MAP2K1: variants seen among roughly 807,000 people sequenced by gnomAD.
The protein encoded by MAP2K1 is mitogen-activated protein kinase kinase 1, also known as dual specificity mitogen-activated protein kinase kinase 1.
MAP2K1 carries 16 observed loss-of-function variants against 46.3 expected under a neutral mutation model. That is an observed-to-expected ratio of 0.35 (90% CI 0.23 to 0.52). The LOEUF is 0.52. MAP2K1 is among the 20% of genes least tolerant of loss of function. The probability of loss-of-function intolerance (pLI) is 0.94; values close to 1 mark genes in which losing one functional copy is unlikely to be tolerated. For synonymous variants in MAP2K1, 183 were observed against 185.6 expected (o/e 0.99, Z 0.11); for missense variants, 263 against 497.1 (o/e 0.53, Z 4.48).
chr15:66,431,683 C>A (rs1368096938), intron 1 of MAP2K1, among the ~76,000 whole-genome samples: 2 of 152,022 alleles, frequency 1.3e-5, no homozygotes, highest in African/African-American at 4.8e-5. Context: ...AAGAGAAATT[C>A]TTATTTTTTT....
chr15:66,418,465 T>TTTA (rs1039458154), intron 1 of MAP2K1, among the ~76,000 whole-genome samples: 4 of 152,230 alleles, frequency 2.6e-5, no homozygotes, highest in Non-Finnish European at 5.9e-5. Flanking sequence ...TAAATTTATT[T>TTTA]AAACTATTTT....
At chr15:66,437,950 GA>G (rs1203810903) in intron 3 of MAP2K1, among the ~76,000 whole-genome samples, 1 of 150,320 alleles carries the variant, frequency 6.7e-6, no homozygotes, top group East Asian at 2.0e-4. Flanking sequence ...CTGGGGTGCT[GA>G]TTATTTTCTG....
chr15:66,429,319 T>C (rs368248869), intron 1 of MAP2K1, among the ~76,000 whole-genome samples: 2 of 151,996 alleles, frequency 1.3e-5, no homozygotes, highest in Non-Finnish European at 2.9e-5. Flanking sequence ...CAGACACTTA[T>C]AAAACCATCA....
At chr15:66,473,410 C>CA (rs986613713) in intron 5 of MAP2K1, among the ~76,000 whole-genome samples, 2 of 151,564 alleles carry the variant, frequency 1.3e-5, no homozygotes, top group Non-Finnish European at 2.9e-5. Context: ...CCCTGTCTAC[C>CA]AAAAAAAGAA....
In MAP2K1 at chr15:66,386,940, G is replaced by C. The variant is rs536414539; in HGVS notation, c.-408G>C. 2 of 250,300 alleles carry C rather than the reference G, an allele frequency of 8.0e-6. No homozygotes were observed. The highest frequency in any genetic ancestry group is 5.6e-5 in the Admixed American group (1 of 17,942). 15.5% of individuals were successfully genotyped at this position (250,300 alleles called of 1,614,324 possible). Reference sequence around the variant, plus strand: ...CCCTCCCAGGGCCGCTTCGCAGAGCGGCTAGGAGCACGGCGGCGGCGGCAC... The same window carrying C: ...CCCTCCCAGGGCCGCTTCGCAGAGCCGCTAGGAGCACGGCGGCGGCGGCAC... On this transcript the variant is annotated 5_prime_UTR_variant, in exon 1 of 11. Coordinates refer to ENST00000307102, the MANE Select transcript of MAP2K1 (RefSeq NM_002755.4).
At chr15:66,440,124 C>T (rs567089409) in intron 3 of MAP2K1, among the ~76,000 whole-genome samples, 20 of 152,170 alleles carry the variant, frequency 1.3e-4, no homozygotes, top group African/African-American at 4.8e-4. Context: ...CAGGGTCTTG[C>T]ACTGTTGCCC....
At chr15:66,437,056 A>G (rs1039318486) in intron 3 of MAP2K1, among the ~76,000 whole-genome samples, 164 bp downstream of exon 3, 1 of 152,168 alleles carries the variant, frequency 6.6e-6, no homozygotes, top group Non-Finnish European at 1.5e-5. Context: ...TGGGATATTC[A>G]CAAGATGGCA....
At chr15:66,477,008 C>G (rs1892768901) in intron 5 of MAP2K1, among the ~76,000 whole-genome samples, 2 of 152,136 alleles carry the variant, frequency 1.3e-5, no homozygotes, top group East Asian at 3.9e-4. Context: ...TCTCATGTGC[C>G]CAGGTTTCCA....
intron 1 of MAP2K1, among the ~76,000 whole-genome samples, chr15:66,432,362 A>G (rs1253294776): frequency 5.3e-5 from 8 of 152,222 alleles, no homozygotes; most frequent in Non-Finnish European, 5.9e-5. Context: ...GGAGGGAGAA[A>G]GGAAGCACAA....
At chr15:66,399,109 A>T (rs1351187919) in intron 1 of MAP2K1, among the ~76,000 whole-genome samples, 3 of 152,174 alleles carry the variant, frequency 2.0e-5, no homozygotes, top group African/African-American at 7.2e-5. Context: ...TGGTACAGAT[A>T]TTATATAGGA....
In MAP2K1 at chr15:66,436,859, C is replaced by T. The variant is rs767989355; in HGVS notation, c.405C>T (p.Ser135=). ...TGGGCTTCTATGGTGCGTTCTACAGCGATGGCGAGATCAGTATCTGCATGG... is the reference window on the plus strand; with the variant it reads ...TGGGCTTCTATGGTGCGTTCTACAGTGATGGCGAGATCAGTATCTGCATGG... ...YIVGFYGAFY[S]DGEISICMEH... The change falls in exon 3 of 11, where the codon AGC becomes AGT. Residue 135 remains serine, a synonymous_variant. Coordinates refer to ENST00000307102, the MANE Select transcript of MAP2K1 (RefSeq NM_002755.4). 1.7e-5 allele frequency: 27 copies of T among 1,614,020 alleles called. No homozygotes were observed. The highest frequency in any genetic ancestry group is 3.3e-5 in the Admixed American group (2 of 59,998).
chr15:66,434,905 A>G lies in MAP2K1; in HGVS notation c.81-122A>G, dbSNP rs552673213. 20 of 780,242 alleles carry G rather than the reference A, an allele frequency of 2.6e-5. No individual in the cohort carries two copies. In the East Asian group the frequency reaches 2.7e-4, roughly 11 times the overall value. The allele number at this position is 780,242 out of a possible 1,614,324, so 48.3% of individuals were successfully genotyped here. ...CACAGTGGGAGGGGGCCTCCTCTCTAGCCTCCCACTTTGATTATCTGTCTG... is the reference window on the plus strand; with the variant it reads ...CACAGTGGGAGGGGGCCTCCTCTCTGGCCTCCCACTTTGATTATCTGTCTG... On this transcript the variant is annotated intron_variant, in intron 1 of 10. Coordinates refer to ENST00000307102, the MANE Select transcript of MAP2K1 (RefSeq NM_002755.4).
At position 66,476,084 on chromosome 15, in the gene MAP2K1, T is replaced by G. The variant is rs545959713; in HGVS notation, c.569-5671T>G. Among the ~76,000 whole-genome samples the G allele has an allele frequency of 3.3e-5, 5 of 152,302 alleles. No individual in the cohort carries two copies. In the East Asian group the frequency reaches 9.6e-4, roughly 29 times the overall value. On this transcript the variant is annotated intron_variant, in intron 5 of 10. Transcript: ENST00000307102. The stretch of plus-strand genomic sequence containing the variant: ...GTTTTTCATAAAACCTCCTTGTTCA[T>G]TTTTGAGGAAGGAGGGGTTACCCAT...
intron 10 of MAP2K1, chr15:66,490,235 GT>G: frequency 3.3e-6 from 2 of 603,448 alleles, no homozygotes; most frequent in Non-Finnish European, 6.0e-6. Context: ...TAACAAGCCT[GT>G]GAGGCATTTA....
At chr15:66,397,685 T>C (rs1175943031) in intron 1 of MAP2K1, among the ~76,000 whole-genome samples, 1 of 152,242 alleles carries the variant, frequency 6.6e-6, no homozygotes, top group African/African-American at 2.4e-5. Flanking sequence ...ATCAAGCCTT[T>C]AGACCTAACT....
intron 5 of MAP2K1, 76 bp downstream of exon 5, chr15:66,444,783 A>C: frequency 8.1e-7 from 1 of 1,229,186 alleles, no homozygotes; most frequent in East Asian, 2.3e-5. Flanking sequence ...TCTTTTTTCT[A>C]TGTTTTGTTT....
intron 5 of MAP2K1, among the ~76,000 whole-genome samples, chr15:66,461,287 T>G (rs1892312753): frequency 6.6e-6 from 1 of 151,886 alleles, no homozygotes; most frequent in African/African-American, 2.4e-5. Flanking sequence ...GGCAGGAGTT[T>G]GAAACCATCC....
At chr15:66,430,721 A>G (rs912431642) in intron 1 of MAP2K1, among the ~76,000 whole-genome samples, 1 of 152,146 alleles carries the variant, frequency 6.6e-6, no homozygotes, top group African/African-American at 2.4e-5. Context: ...TCCCTGAGAT[A>G]CATTTTATGC....
chr15:66,392,792 A>G (rs888325119), intron 1 of MAP2K1, among the ~76,000 whole-genome samples: 8 of 151,858 alleles, frequency 5.3e-5, no homozygotes, highest in African/African-American at 1.9e-4. Context: ...ACCTCAGATG[A>G]TCCGCCTGCC....
Sources: gnomAD v4.1 joint callset for allele counts (sites outside exome capture counted in the v4.1 genomes callset) on GRCh38, gnomAD v4.1.1 for gene constraint, MANE v1.5 for transcripts, NCBI Gene and HGNC (gene_info 2026-07-23, HGNC 2026-07-21) for gene names.